The following CCDC18 variants were observed in gnomAD, a reference collection of about 807,000 sequenced individuals.
CCDC18 encodes the protein coiled-coil domain-containing protein 18.
In CCDC18, 157 loss-of-function variants were observed where a neutral mutation model predicts 196.0. The ratio of observed to expected loss-of-function variants is 0.80; its 90% confidence interval spans 0.70 to 0.91. The LOEUF (loss-of-function observed/expected upper bound fraction) is 0.91. Among genes scored for constraint, CCDC18 ranks in the 40% least tolerant of loss-of-function variants. The probability of loss-of-function intolerance (pLI) is 0.00; values close to 1 mark genes in which losing one functional copy is unlikely to be tolerated. For missense variants in CCDC18, 1,465 were observed against 1,611.6 expected, an observed-to-expected ratio of 0.91 and a Z score of 1.56; for synonymous variants, 482 against 529.2, an observed-to-expected ratio of 0.91 and a Z score of 1.22.
chr1:93,204,062 C>T (rs1284882022), intron 7 of CCDC18, among the ~76,000 whole-genome samples: 6 of 151,688 alleles, frequency 4.0e-5, no homozygotes, highest in Admixed American at 6.6e-5. Flanking sequence ...GGAGAGGCAG[C>T]GAATGGAAGG....
At chr1:93,229,555 A>G (rs1181614956) in intron 17 of CCDC18, among the ~76,000 whole-genome samples, 5 of 152,228 alleles carry the variant, frequency 3.3e-5, no homozygotes, top group Non-Finnish European at 7.3e-5. Context: ...ATATGCCCCA[A>G]TCATATAACT....
chr1:93,197,594 A>C lies in CCDC18; in HGVS notation c.698+3850A>C, dbSNP rs577739052. 1.7e-4 allele frequency among the ~76,000 whole-genome samples: 26 copies of C among 152,062 alleles called. No individual in the cohort carries two copies. In the South Asian group the frequency reaches 5.4e-3, roughly 32 times the overall value. On this transcript the variant is annotated intron_variant, in intron 6 of 28. Coordinates refer to ENST00000690025, the MANE Select transcript of CCDC18 (RefSeq NM_001378204.1). ...CAAATCAGTAATTAAAAATCTGCCCACAAATAACTAAACTAGTCAAAACAA... is the reference window on the plus strand; with the variant it reads ...CAAATCAGTAATTAAAAATCTGCCCCCAAATAACTAAACTAGTCAAAACAA...
intron 28 of CCDC18, among the ~76,000 whole-genome samples, chr1:93,271,924 A>G (rs1486208257): frequency 2.0e-5 from 3 of 151,200 alleles, no homozygotes; most frequent in Non-Finnish European, 4.4e-5. Flanking sequence ...TCCTCTTCTT[A>G]TTTTGAACTA....
chr1:93,276,101 C>A (rs1225420815), intron 28 of CCDC18, among the ~76,000 whole-genome samples: 1 of 152,198 alleles, frequency 6.6e-6, no homozygotes, highest in Non-Finnish European at 1.5e-5. Flanking sequence ...TATCAGCTGG[C>A]CTAAATCCAG....
intron 23 of CCDC18, among the ~76,000 whole-genome samples, chr1:93,251,922 T>C (rs1662304357): frequency 6.6e-6 from 1 of 152,238 alleles, no homozygotes; most frequent in South Asian, 2.1e-4. Context: ...ATTTGCTCTT[T>C]TGATGTTGTC....
intron 21 of CCDC18, among the ~76,000 whole-genome samples, chr1:93,244,657 A>G (rs750916731): frequency 1.3e-5 from 2 of 152,216 alleles, no homozygotes; most frequent in South Asian, 4.1e-4. Flanking sequence ...ACATAACATT[A>G]TGAATATACT....
chr1:93,196,682 CAATT>C (rs1318946776), intron 6 of CCDC18, among the ~76,000 whole-genome samples: 7 of 152,124 alleles, frequency 4.6e-5, no homozygotes, highest in Non-Finnish European at 1.0e-4. Context: ...TTGAATAAGA[CAATT>C]AATATTCTTG....
chr1:93,226,298 GTTT>G (rs34227600), intron 16 of CCDC18, 32 bp from the exon 17 acceptor site: 2,077 of 585,958 alleles, frequency 3.5e-3, no homozygotes, highest in Non-Finnish European at 3.8e-3. Context: ...ATCGTTTTGT[GTTT>G]TTTTTTTTTT....
At chr1:93,185,049 A>T (rs1009701118) in intron 3 of CCDC18, among the ~76,000 whole-genome samples, 1 of 151,924 alleles carries the variant, frequency 6.6e-6, no homozygotes, top group African/African-American at 2.4e-5. Context: ...GAGAACAAAA[A>T]TATCAGTAAC....
At chr1:93,185,474 C>T (rs747665721) in intron 3 of CCDC18, among the ~76,000 whole-genome samples, 1 of 151,688 alleles carries the variant, frequency 6.6e-6, no homozygotes, top group East Asian at 1.9e-4. Context: ...GTTGAATAAA[C>T]TAATGGTTTA....
At chr1:93,210,600 T>C (rs1302415082) in intron 9 of CCDC18, among the ~76,000 whole-genome samples, 1 of 152,190 alleles carries the variant, frequency 6.6e-6, no homozygotes, top group Non-Finnish European at 1.5e-5. Context: ...TACTGATTTA[T>C]GTGACTCAGG....
chr1:93,225,353 T>C lies in CCDC18; in HGVS notation c.2176-980T>C, dbSNP rs566762828. ...TAAGGTAGTAAAGCAGTGGCAACTA[T>C]ATGAACACTTGGACCAAGTTAAATT... On this transcript the variant is annotated intron_variant, in intron 16 of 28. Coordinates refer to ENST00000690025, the MANE Select transcript of CCDC18 (RefSeq NM_001378204.1). Among the ~76,000 whole-genome samples, 54 of 152,352 alleles carry C rather than the reference T, an allele frequency of 3.5e-4. 1 individual carries two copies. The highest frequency in any genetic ancestry group is 1.3e-3 in the African/African-American group (54 of 41,578).
rs765750599 is a variant in CCDC18 at position 93,221,865 on chromosome 1, A to G, written c.2104A>G (p.Lys702Glu). Residue 702 changes from lysine to glutamate, a missense_variant, in exon 16 of 29, where the codon AAA becomes GAA. Physicochemically the swap from Lys to Glu is moderately conservative, Grantham distance 56. Transcript: ENST00000690025. ...RLLTESKGEM[K>E]KENMKKDEAL... Reference sequence around the variant, plus strand: ...CTTTTCTTACTGTTTTTAGGAAATGAAAAAGGAAAATATGAAGAAAGATGA... The same window carrying G: ...CTTTTCTTACTGTTTTTAGGAAATGGAAAAGGAAAATATGAAGAAAGATGA... 1 of 1,597,582 alleles carries G rather than the reference A, an allele frequency of 6.3e-7. No individual in the cohort carries two copies. Among genetic ancestry groups the G allele is most frequent in the East Asian group, 2.2e-5 (1 of 44,544 alleles).
rs1653915355 is a variant in CCDC18 at position 93,202,001 on chromosome 1, T to G, written c.795+13T>G. The G allele has an allele frequency of 1.3e-6, 2 of 1,533,170 alleles. No homozygotes were observed. Among genetic ancestry groups the G allele is most frequent in the East Asian group, 4.5e-5 (2 of 44,072 alleles). The allele number at this position is 1,533,170 out of a possible 1,614,324, so 95.0% of individuals were successfully genotyped here. A position where few individuals can be genotyped will look rare whatever the true frequency, so the allele number is the denominator to read the frequency against. Reference sequence around the variant, plus strand: ...AAAACTGGAAAAGGTAAAAGGCAGTTGTGCAAATTCAGTGTTTTGTATTAC... The same window carrying G: ...AAAACTGGAAAAGGTAAAAGGCAGTGGTGCAAATTCAGTGTTTTGTATTAC... On this transcript the variant is annotated intron_variant, in intron 7 of 28. Coordinates refer to ENST00000690025, the MANE Select transcript of CCDC18 (RefSeq NM_001378204.1).
At chr1:93,253,754 CA>C (rs1412566524) in intron 23 of CCDC18, among the ~76,000 whole-genome samples, 1 of 152,188 alleles carries the variant, frequency 6.6e-6, no homozygotes, top group Admixed American at 6.5e-5. Context: ...CTTGTAGGCT[CA>C]AGGCCAAATG....
At chr1:93,264,633 A>G in intron 26 of CCDC18, 68 bp from the exon 27 acceptor site, 4 of 877,354 alleles carry the variant, frequency 4.6e-6, no homozygotes, top group Non-Finnish European at 7.3e-6. Flanking sequence ...AAAGCATTAG[A>G]CTGTTGTCGA....
At position 93,214,994 on chromosome 1, in the gene CCDC18, T is replaced by C. The variant is rs779085834; in HGVS notation, c.1719+28T>C. 1.3e-5 allele frequency: 18 copies of C among 1,395,534 alleles called. No individual in the cohort carries two copies. In the Admixed American group the frequency reaches 3.9e-4, roughly 31 times the overall value. The allele number at this position is 1,395,534 out of a possible 1,614,324, so 86.4% of individuals were successfully genotyped here. A position where few individuals can be genotyped will look rare whatever the true frequency, so the allele number is the denominator to read the frequency against. On this transcript the variant is annotated intron_variant, in intron 12 of 28. Coordinates refer to ENST00000690025, the MANE Select transcript of CCDC18 (RefSeq NM_001378204.1). The stretch of plus-strand genomic sequence containing the variant: ...AAGCTTGGAATTAGCTTGGTATATA[T>C]GTTAATTTTTGAACTAGAACAAAAG...
chr1:93,266,002 C>T (rs1664452513), intron 27 of CCDC18, among the ~76,000 whole-genome samples: 1 of 152,190 alleles, frequency 6.6e-6, no homozygotes, highest in Non-Finnish European at 1.5e-5. Flanking sequence ...TTCTTCTCAG[C>T]ACCAAATCAC....
intron 21 of CCDC18, among the ~76,000 whole-genome samples, chr1:93,243,869 C>G (rs1397520544): frequency 6.6e-6 from 1 of 152,158 alleles, no homozygotes; most frequent in East Asian, 1.9e-4. Context: ...AGCCATTGAA[C>G]AAGTCTCTAG....
Sources: gnomAD v4.1 joint callset for allele counts (sites outside exome capture counted in the v4.1 genomes callset) on GRCh38, gnomAD v4.1.1 for gene constraint, MANE v1.5 for transcripts, NCBI Gene and HGNC (gene_info 2026-07-23, HGNC 2026-07-21) for gene names.